The following ABTB3 variants were observed in gnomAD, a reference collection of about 807,000 sequenced individuals.
ABTB3 encodes ankyrin repeat- and BTB/POZ domain-containing protein 3.
the ABTB3 span, among the ~76,000 whole-genome samples, chr12:107,457,307 T>C: frequency 6.6e-6 from 1 of 152,220 alleles, no homozygotes; most frequent in Non-Finnish European, 1.5e-5. Context: ...AACTTTGAGA[T>C]ATGGCACCCA....
the ABTB3 span, chr12:107,486,492 C>T: frequency 2.0e-5 from 3 of 152,086 alleles, no homozygotes; most frequent in African/African-American, 4.8e-5. Context: ...CACAGACACA[C>T]GATTCTGTCT....
the ABTB3 span, among the ~76,000 whole-genome samples, chr12:107,434,185 C>T: frequency 6.6e-6 from 1 of 152,212 alleles, no homozygotes; most frequent in Non-Finnish European, 1.5e-5. Context: ...GAACACATGT[C>T]TCAGAGTTAT....
the ABTB3 span, among the ~76,000 whole-genome samples, chr12:107,511,741 C>A: frequency 6.6e-6 from 1 of 152,136 alleles, no homozygotes; most frequent in African/African-American, 2.4e-5. Context: ...TCAAAATCAT[C>A]TTGCATGCAT....
At chr12:107,443,982 G>C in the ABTB3 span, among the ~76,000 whole-genome samples, 2 of 152,222 alleles carry the variant, frequency 1.3e-5, no homozygotes, top group Non-Finnish European at 2.9e-5. Context: ...GGAGCAGGTA[G>C]AAACCCAGAG....
At chr12:107,442,954 C>T in the ABTB3 span, among the ~76,000 whole-genome samples, 631 of 152,306 alleles carry the variant, frequency 4.1e-3, 3 homozygotes, top group Middle Eastern at 6.8e-3. Flanking sequence ...AGGCCGGCTT[C>T]CTGGTCCATA....
At chr12:107,483,345 C>A in the ABTB3 span, among the ~76,000 whole-genome samples, 1 of 152,112 alleles carries the variant, frequency 6.6e-6, no homozygotes, top group African/African-American at 2.4e-5. Context: ...TGCCCAGCCC[C>A]TTGATGCTTA....
At chr12:107,557,953 G>A in the ABTB3 span, among the ~76,000 whole-genome samples, 1,938 of 152,330 alleles carry the variant, frequency 0.013, 42 homozygotes, top group African/African-American at 0.042. Context: ...CATGACTCCC[G>A]TTCAGCACAG....
the ABTB3 span, among the ~76,000 whole-genome samples, chr12:107,344,664 C>T: frequency 6.6e-6 from 1 of 152,190 alleles, no homozygotes; most frequent in East Asian, 1.9e-4. Flanking sequence ...CAGCTCATCA[C>T]CTCCCACTGA....
At chr12:107,452,545 G>C in the ABTB3 span, among the ~76,000 whole-genome samples, 1 of 151,918 alleles carries the variant, frequency 6.6e-6, no homozygotes, top group Non-Finnish European at 1.5e-5. Context: ...ACGGAGGGGA[G>C]AGTCTTAAAA....
At chr12:107,415,504 C>G in the ABTB3 span, among the ~76,000 whole-genome samples, 1 of 151,830 alleles carries the variant, frequency 6.6e-6, no homozygotes, top group African/African-American at 2.4e-5. Context: ...GTCAGGAGAT[C>G]GAGACCATCC....
chr12:107,406,293 GA>G, the ABTB3 span, among the ~76,000 whole-genome samples: 2 of 152,198 alleles, frequency 1.3e-5, no homozygotes, highest in South Asian at 4.1e-4. Context: ...AGCCAGGTAT[GA>G]AAGCATGCGC....
At chr12:107,587,683 G>C in the ABTB3 span, among the ~76,000 whole-genome samples, 1 of 152,054 alleles carries the variant, frequency 6.6e-6, no homozygotes, top group Non-Finnish European at 1.5e-5. Flanking sequence ...TGGTCCTGAG[G>C]TGTTCTCAAA....
At chr12:107,352,139 A>G in the ABTB3 span, among the ~76,000 whole-genome samples, 1 of 152,188 alleles carries the variant, frequency 6.6e-6, no homozygotes, top group Non-Finnish European at 1.5e-5. Context: ...ACAGGCTGTT[A>G]TGACACTGGG....
At chr12:107,416,113 G>A in the ABTB3 span, among the ~76,000 whole-genome samples, 1 of 152,232 alleles carries the variant, frequency 6.6e-6, no homozygotes, top group African/African-American at 2.4e-5. Flanking sequence ...ACCGCAGAAG[G>A]TGAACACAGC....
At chr12:107,446,804 G>T in the ABTB3 span, among the ~76,000 whole-genome samples, 6 of 152,182 alleles carry the variant, frequency 3.9e-5, no homozygotes, top group Non-Finnish European at 7.3e-5. Flanking sequence ...TGTCTTGCTG[G>T]CATGCTGTGT....
chr12:107,489,642 T>C, the ABTB3 span, among the ~76,000 whole-genome samples: 2 of 152,202 alleles, frequency 1.3e-5, no homozygotes, highest in African/African-American at 4.8e-5. Context: ...TGTGTGTTGA[T>C]ATCCATGGAC....
At chr12:107,484,597 C>CT in the ABTB3 span, among the ~76,000 whole-genome samples, 49,163 of 139,820 alleles carry the variant, frequency 0.35, 9,733 homozygotes, top group African/African-American at 0.56. Flanking sequence ...TCTGATCTGA[C>CT]TTTTTTTTTT....
chr12:107,419,298 C>A, the ABTB3 span, among the ~76,000 whole-genome samples: 3 of 152,194 alleles, frequency 2.0e-5, no homozygotes, highest in Non-Finnish European at 4.4e-5. Flanking sequence ...TCCCTCCAGG[C>A]ACTGACCTGC....
the ABTB3 span, chr12:107,649,353 G>C: frequency 7.5e-4 from 1,010 of 1,340,748 alleles, 7 homozygotes; most frequent in Non-Finnish European, 1.6e-4. Context: ...TCACCAGCCT[G>C]CATGGAAGTG....
Sources: allele counts gnomAD v4.1 joint callset (sites outside exome capture counted in the v4.1 genomes callset), GRCh38; gene constraint gnomAD v4.1.1; transcripts MANE v1.5; gene names NCBI Gene and HGNC (gene_info 2026-07-23, HGNC 2026-07-21).